The following MAPK10 variants were observed in gnomAD, a reference collection of about 807,000 sequenced individuals.
The protein encoded by MAPK10 is JNK3 alpha protein kinase.
In MAPK10, 25 loss-of-function variants were observed where a neutral mutation model predicts 59.3. The ratio of observed to expected loss-of-function variants is 0.42; its 90% CI spans 0.31 to 0.59. The LOEUF is 0.59. Ranked by LOEUF, MAPK10 falls within the 20% of genes least tolerant of loss-of-function variation. The pLI, the probability that MAPK10 is intolerant of heterozygous loss-of-function variation, is 0.15. For synonymous variants in MAPK10, 190 were observed against 200.5 expected, an observed-to-expected ratio of 0.95 and a Z score of 0.44; for missense variants, 351 against 568.9, an observed-to-expected ratio of 0.62 and a Z score of 3.90.
chr4:86,582,476 G>T (rs990757667), intron 1 of MAPK10, among the ~76,000 whole-genome samples: 1 of 152,020 alleles, frequency 6.6e-6, no homozygotes, highest in South Asian at 2.1e-4. Flanking sequence ...AAAATTATAC[G>T]AACCTTATCT....
intron 4 of MAPK10, among the ~76,000 whole-genome samples, chr4:86,115,575 C>T (rs2058176095): frequency 6.6e-6 from 1 of 152,174 alleles, no homozygotes; most frequent in Non-Finnish European, 1.5e-5. Flanking sequence ...GATTCTCCTG[C>T]CTCAGCCTCC....
intron 1 of MAPK10, among the ~76,000 whole-genome samples, chr4:86,588,192 T>A (rs550190145): frequency 2.0e-5 from 3 of 152,212 alleles, no homozygotes; most frequent in South Asian, 2.1e-4. Context: ...GGGTCCAACA[T>A]AAAATATTCT....
At chr4:86,155,542 T>C (rs2067519135) in intron 4 of MAPK10, among the ~76,000 whole-genome samples, 1 of 151,992 alleles carries the variant, frequency 6.6e-6, no homozygotes, top group South Asian at 2.1e-4. Flanking sequence ...AGTGGATGTC[T>C]GAAACTGGAT....
At chr4:86,571,959 T>G (rs556416667) in intron 1 of MAPK10, among the ~76,000 whole-genome samples, 88 of 152,240 alleles carry the variant, frequency 5.8e-4, no homozygotes, top group African/African-American at 2.1e-3. Context: ...TTAAAATTTT[T>G]TCTAAGGAAG....
intron 4 of MAPK10, among the ~76,000 whole-genome samples, chr4:86,120,858 G>T (rs963578993): frequency 3.3e-5 from 5 of 152,138 alleles, no homozygotes; most frequent in African/African-American, 9.7e-5. Context: ...TTGCTACACT[G>T]ATTTTGCCAT....
chr4:86,162,901 G>A (rs2070311806), intron 3 of MAPK10, among the ~76,000 whole-genome samples: 1 of 152,064 alleles, frequency 6.6e-6, no homozygotes. Flanking sequence ...GAGAAACAGG[G>A]CTTGATAAAA....
rs1257003367 is a variant in MAPK10, at chr4:86,165,006, C to T, written c.67-5539G>A. ...TCATTTGTTAAATATTTATTGAGCA[C>T]CTACTGTGTGTTGGGCACTATTAAA... On this transcript the variant is annotated intron_variant, in intron 3 of 13. Transcript: ENST00000641462. Among the ~76,000 whole-genome samples, 3 of 152,096 alleles carry T rather than the reference C, an allele frequency of 2.0e-5. No homozygotes were observed. In the South Asian group the frequency reaches 6.2e-4, roughly 32 times the overall value.
intron 1 of MAPK10, among the ~76,000 whole-genome samples, chr4:86,386,018 C>T (rs1180707654): frequency 6.6e-6 from 1 of 152,170 alleles, no homozygotes; most frequent in Admixed American, 6.5e-5. Context: ...TGCAATTTAT[C>T]GTCCAAGATC....
intron 4 of MAPK10, among the ~76,000 whole-genome samples, chr4:86,155,759 T>C (rs769669570): frequency 6.6e-6 from 1 of 152,122 alleles, no homozygotes; most frequent in Non-Finnish European, 1.5e-5. Flanking sequence ...TCTTTCCTCA[T>C]TAAGTTGGGA....
intron 1 of MAPK10, among the ~76,000 whole-genome samples, chr4:86,522,198 G>A (rs985883276): frequency 6.6e-6 from 1 of 152,166 alleles, no homozygotes; most frequent in Non-Finnish European, 1.5e-5. Context: ...TTTTTTGGCT[G>A]TCTTGTGGCA....
intron 4 of MAPK10, among the ~76,000 whole-genome samples, chr4:86,126,111 CTCCACTAG>C (rs1184303146): frequency 4.6e-5 from 7 of 152,170 alleles, no homozygotes; most frequent in Admixed American, 3.9e-4. Context: ...TATGATTGTC[CTCCACTAG>C]TCTGACAACT....
intron 11 of MAPK10, among the ~76,000 whole-genome samples, chr4:86,034,680 T>C (rs1448392596): frequency 1.3e-5 from 2 of 150,860 alleles, no homozygotes; most frequent in South Asian, 4.1e-4. Context: ...ATCATTAGTA[T>C]ACAACATGAT....
intron 1 of MAPK10, among the ~76,000 whole-genome samples, chr4:86,374,203 A>G (rs1739394923): frequency 6.6e-6 from 1 of 152,160 alleles, no homozygotes; most frequent in Admixed American, 6.5e-5. Flanking sequence ...TGGGAGTTGA[A>G]CAATGAGAAT....
intron 4 of MAPK10, among the ~76,000 whole-genome samples, chr4:86,119,239 G>A (rs1489093198): frequency 6.6e-6 from 1 of 152,184 alleles, no homozygotes; most frequent in East Asian, 1.9e-4. Flanking sequence ...GATGCACAGT[G>A]ATTTTTGAGG....
intron 1 of MAPK10, among the ~76,000 whole-genome samples, chr4:86,356,043 TCACA>T (rs34547847): frequency 0.015 from 2,270 of 148,738 alleles, 40 homozygotes; most frequent in African/African-American, 0.039. Flanking sequence ...TTGTTTTTCT[TCACA>T]CACACACACA....
intron 4 of MAPK10, among the ~76,000 whole-genome samples, chr4:86,139,559 A>T (rs905218882): frequency 6.6e-6 from 1 of 152,200 alleles, no homozygotes; most frequent in African/African-American, 2.4e-5. Flanking sequence ...CTTAAACGTT[A>T]GACCTAAAAC....
At chr4:86,328,994 T>C (rs2904093) in intron 2 of MAPK10, among the ~76,000 whole-genome samples, 111,611 of 151,874 alleles carry the variant, frequency 0.73, 41,533 homozygotes, top group South Asian at 0.9. Flanking sequence ...GTTCTGCACA[T>C]GTATCCCGGG....
At chr4:86,318,676 T>C (rs2095836242) in intron 2 of MAPK10, among the ~76,000 whole-genome samples, 1 of 152,206 alleles carries the variant, frequency 6.6e-6, no homozygotes, top group African/African-American at 2.4e-5. Context: ...GTTACTATGT[T>C]ATCTATTACT....
rs201615874 is a variant in MAPK10, at chr4:86,378,493, C to T, written c.-121-23849G>A. ...TTTTCTTTACAGCAGTTACTCTTTT[C>T]GACATATTAAATGTTGATATGTTCA... On this transcript the variant is annotated intron_variant, in intron 1 of 13. Transcript: ENST00000361569. 5.4e-4 allele frequency among the ~76,000 whole-genome samples: 82 copies of T among 151,954 alleles called. 2 individuals are homozygous for T. Among genetic ancestry groups the T allele is most frequent in the Admixed American group, 4.3e-3 (66 of 15,262 alleles).
Sources: gnomAD v4.1 joint callset for allele counts (sites outside exome capture counted in the v4.1 genomes callset) on GRCh38, gnomAD v4.1.1 for gene constraint, MANE v1.5 for transcripts, NCBI Gene and HGNC (gene_info 2026-07-23, HGNC 2026-07-21) for gene names.